The following KIAA0825 variants were observed in gnomAD, a reference collection of about 807,000 sequenced individuals.
The protein encoded by KIAA0825 is uncharacterized protein KIAA0825.
Under a neutral mutation model 147.6 loss-of-function variants are expected in KIAA0825, and 119 were observed. The observed-to-expected ratio is 0.81, with a 90% CI of 0.69 to 0.94. The LOEUF is 0.94. KIAA0825 is among the 40% of genes least tolerant of loss of function. The pLI, the probability that KIAA0825 is intolerant of heterozygous loss-of-function variation, is 0.00. For missense variants in KIAA0825, 1,381 were observed against 1,472.7 expected (o/e 0.94, Z 1.02); for synonymous variants, 470 against 518.1 (o/e 0.91, Z 1.26).
chr5:94,467,978 A>T (rs1192335183), intron 10 of KIAA0825, among the ~76,000 whole-genome samples: 1 of 152,258 alleles, frequency 6.6e-6, no homozygotes. Flanking sequence ...ACACAAAAAA[A>T]GTATCACTTT....
chr5:94,555,318 T>A (rs1047458795), intron 2 of KIAA0825, among the ~76,000 whole-genome samples: 1 of 152,146 alleles, frequency 6.6e-6, no homozygotes, highest in African/African-American at 2.4e-5. Flanking sequence ...AACAAAGAAC[T>A]TGTTATTCCA....
intron 14 of KIAA0825, among the ~76,000 whole-genome samples, chr5:94,417,849 T>A (rs961999441): frequency 6.6e-6 from 1 of 152,224 alleles, no homozygotes; most frequent in Non-Finnish European, 1.5e-5. Flanking sequence ...AATTTATGAA[T>A]GTTTCTTAAA....
chr5:94,369,236 T>C (rs1562425405), intron 20 of KIAA0825, among the ~76,000 whole-genome samples: 1 of 152,086 alleles, frequency 6.6e-6, no homozygotes, highest in Non-Finnish European at 1.5e-5. Flanking sequence ...TGTGGAACAA[T>C]TAAGGCTAGA....
At chr5:94,459,289 T>C (rs115092244) in intron 12 of KIAA0825, among the ~76,000 whole-genome samples, 2,286 of 152,282 alleles carry the variant, frequency 0.015, 53 homozygotes, top group African/African-American at 0.051. Context: ...AATTTTTGTA[T>C]GGACATAACA....
At chr5:94,464,253 C>T (rs1562523113) in intron 11 of KIAA0825, among the ~76,000 whole-genome samples, 1 of 151,984 alleles carries the variant, frequency 6.6e-6, no homozygotes, top group Non-Finnish European at 1.5e-5. Context: ...ATATTCATTG[C>T]CTAGATAACT....
At chr5:94,565,752 AT>A (rs1778595509) in intron 2 of KIAA0825, among the ~76,000 whole-genome samples, 1 of 152,202 alleles carries the variant, frequency 6.6e-6, no homozygotes, top group Admixed American at 6.5e-5. Context: ...TTTTAAAATT[AT>A]TTTTAATTGA....
At chr5:94,517,094 T>A (rs932102489) in intron 5 of KIAA0825, among the ~76,000 whole-genome samples, 1 of 152,022 alleles carries the variant, frequency 6.6e-6, no homozygotes, top group Non-Finnish European at 1.5e-5. Context: ...AGAGCAAAAC[T>A]CCAACTCAAA....
At chr5:94,247,850 TG>T (rs768316888) in intron 20 of KIAA0825, among the ~76,000 whole-genome samples, 1 of 152,116 alleles carries the variant, frequency 6.6e-6, no homozygotes, top group Non-Finnish European at 1.5e-5. Flanking sequence ...GAGTAGATAA[TG>T]TGTAGTCATC....
chr5:94,408,859 G>A (rs1425861082), intron 15 of KIAA0825, among the ~76,000 whole-genome samples: 2 of 152,142 alleles, frequency 1.3e-5, no homozygotes, highest in Non-Finnish European at 2.9e-5. Flanking sequence ...CTTGTAATTT[G>A]TTCATTTCTT....
chr5:94,228,599 C>T (rs1203650125), intron 20 of KIAA0825, among the ~76,000 whole-genome samples: 4 of 152,146 alleles, frequency 2.6e-5, no homozygotes, highest in East Asian at 3.9e-4. Flanking sequence ...AACTAAGTCA[C>T]ATGACCACAT....
At chr5:94,186,543 T>C (rs907505833) in intron 20 of KIAA0825, among the ~76,000 whole-genome samples, 1 of 152,172 alleles carries the variant, frequency 6.6e-6, no homozygotes, top group Admixed American at 6.5e-5. Context: ...TAAGCAAATA[T>C]ATGGTGAAAA....
At chr5:94,519,341 C>T (rs1033758064) in intron 5 of KIAA0825, 1 of 897,918 alleles carries the variant, frequency 1.1e-6, no homozygotes, top group African/African-American at 1.8e-5. Context: ...ATACTTAAGC[C>T]ATATAGTTTA....
At chr5:94,191,512 A>C (rs1770678150) in intron 20 of KIAA0825, among the ~76,000 whole-genome samples, 1 of 152,226 alleles carries the variant, frequency 6.6e-6, no homozygotes, top group Admixed American at 6.5e-5. Context: ...CAGGCTGCTC[A>C]TCAAAAGACT....
intron 20 of KIAA0825, among the ~76,000 whole-genome samples, chr5:94,335,955 A>G (rs1489015855): frequency 2.6e-5 from 4 of 152,206 alleles, no homozygotes; most frequent in African/African-American, 7.2e-5. Flanking sequence ...GCATTGTTCC[A>G]TAATGTTGTG....
intron 20 of KIAA0825, among the ~76,000 whole-genome samples, chr5:94,312,220 G>GGTGTGT (rs142667357): frequency 1.3e-4 from 20 of 149,344 alleles, no homozygotes; most frequent in Non-Finnish European, 2.5e-4. Flanking sequence ...TAATATACAT[G>GGTGTGT]GTGTGTGTGT....
At chr5:94,488,560 T>C (rs533580418) in intron 5 of KIAA0825, among the ~76,000 whole-genome samples, 94 of 152,210 alleles carry the variant, frequency 6.2e-4, no homozygotes, top group African/African-American at 2.1e-3. Flanking sequence ...TTTTTCTTTA[T>C]ATATAATTTT....
chr5:94,253,981 C>T (rs1776109792), intron 20 of KIAA0825, among the ~76,000 whole-genome samples: 1 of 152,108 alleles, frequency 6.6e-6, no homozygotes, highest in African/African-American at 2.4e-5. Context: ...TGCCAATAGA[C>T]TCTTAGTGAG....
intron 20 of KIAA0825, among the ~76,000 whole-genome samples, chr5:94,319,619 T>G (rs993168761): frequency 6.6e-6 from 1 of 151,970 alleles, no homozygotes; most frequent in Non-Finnish European, 1.5e-5. Flanking sequence ...GTTTCTTTCA[T>G]ATCTCACAAT....
chr5:94,279,512 AG>A (rs1241252159), intron 20 of KIAA0825, among the ~76,000 whole-genome samples: 4 of 152,118 alleles, frequency 2.6e-5, no homozygotes, highest in African/African-American at 9.7e-5. Flanking sequence ...CTTAAAAATC[AG>A]GGTGGACCAA....
Sources: allele counts gnomAD v4.1 joint callset (sites outside exome capture counted in the v4.1 genomes callset), GRCh38; gene constraint gnomAD v4.1.1; transcripts MANE v1.5; gene names NCBI Gene and HGNC (gene_info 2026-07-23, HGNC 2026-07-21).